CSMD1: variants seen among roughly 807,000 people sequenced by gnomAD.
The protein encoded by CSMD1 is CUB and sushi domain-containing protein 1.
CSMD1 carries 213 observed loss-of-function variants against 417.5 expected under a neutral mutation model. The observed-to-expected ratio is 0.51, with a 90% CI of 0.46 to 0.57. The LOEUF (loss-of-function observed/expected upper bound fraction) is 0.57, where lower values mean the gene tolerates loss of function less well. CSMD1 is among the 20% of genes least tolerant of loss of function. The pLI, the probability that CSMD1 is intolerant of heterozygous loss-of-function variation, is 0.00. For missense variants in CSMD1, 6,923 were observed against 4,529.7 expected, an observed-to-expected ratio of 1.53 and a Z score of -15.17; for synonymous variants, 2,862 against 1,736.8, an observed-to-expected ratio of 1.65 and a Z score of -16.11.
chr8:3,901,678 T>C (rs905706211), intron 5 of CSMD1, among the ~76,000 whole-genome samples: 1 of 152,218 alleles, frequency 6.6e-6, no homozygotes, highest in Non-Finnish European at 1.5e-5. Flanking sequence ...TGTACTTCTG[T>C]TTAACAACTT....
intron 6 of CSMD1, among the ~76,000 whole-genome samples, chr8:3,724,106 G>T (rs1802346992): frequency 1.9e-5 from 1 of 51,832 alleles, no homozygotes; most frequent in African/African-American, 3.5e-5. Context: ...CATTAAATAC[G>T]AAAGCAGATA....
intron 4 of CSMD1, among the ~76,000 whole-genome samples, chr8:4,007,338 C>T (rs1378113149): frequency 1.3e-5 from 2 of 152,204 alleles, no homozygotes; most frequent in African/African-American, 2.4e-5. Context: ...TCCTTTGGCT[C>T]CCATTTCCTC....
chr8:3,742,837 T>C (rs1796880616), intron 6 of CSMD1, among the ~76,000 whole-genome samples: 2 of 152,320 alleles, frequency 1.3e-5, no homozygotes, highest in Admixed American at 1.3e-4. Flanking sequence ...ACCCAACTTC[T>C]TCACTGTGAA....
chr8:3,656,876 G>T (rs571443607), intron 7 of CSMD1, among the ~76,000 whole-genome samples: 1 of 150,750 alleles, frequency 6.6e-6, no homozygotes, highest in East Asian at 2.0e-4. Flanking sequence ...AGTGAGCCAA[G>T]ATCACACCAC....
chr8:3,255,886 T>G (rs1027692859), intron 26 of CSMD1, among the ~76,000 whole-genome samples: 1 of 152,146 alleles, frequency 6.6e-6, no homozygotes, highest in African/African-American at 2.4e-5. Flanking sequence ...GCACCCACTT[T>G]CCGACACTCG....
chr8:4,472,513 T>A (rs1387512107), intron 2 of CSMD1, among the ~76,000 whole-genome samples: 1 of 151,890 alleles, frequency 6.6e-6, no homozygotes, highest in Admixed American at 6.6e-5. Context: ...TTGTAAAAAA[T>A]AAAAGGAAAT....
At chr8:4,974,949 C>A (rs993180058) in intron 1 of CSMD1, among the ~76,000 whole-genome samples, 1 of 152,118 alleles carries the variant, frequency 6.6e-6, no homozygotes, top group East Asian at 1.9e-4. Flanking sequence ...AAGAATTATT[C>A]GACAATAGAT....
At chr8:3,477,158 T>G (rs1817480812) in intron 11 of CSMD1, among the ~76,000 whole-genome samples, 1 of 152,192 alleles carries the variant, frequency 6.6e-6, no homozygotes, top group South Asian at 2.1e-4. Flanking sequence ...ATTCTGCATG[T>G]GTCACGAAGC....
intron 1 of CSMD1, among the ~76,000 whole-genome samples, chr8:4,785,246 A>G (rs956244093): frequency 6.6e-6 from 1 of 152,164 alleles, no homozygotes; most frequent in African/African-American, 2.4e-5. Flanking sequence ...TAGAGCAGTC[A>G]TGAGGAGGTG....
chr8:3,214,517 T>C lies in CSMD1; in HGVS notation c.4847A>G (p.Gln1616Arg). Reference sequence around the variant, plus strand: ...CTCACCATTGCAGGAGGGCAGCACTTGGTCCCAGGAGGGTTTCCCATCAGC... The same window carrying C: ...CTCACCATTGCAGGAGGGCAGCACTCGGTCCCAGGAGGGTTTCCCATCAGC... ...IGADGKPSWD[Q>R]VLPSCNAPCG... Residue 1616 changes from glutamine (Q) to arginine (R), a missense_variant, in exon 30 of 70, where the codon CAA (glutamine) becomes CGA (arginine). Coordinates refer to ENST00000635120, the MANE Select transcript of CSMD1 (RefSeq NM_033225.6). 2 of 1,598,148 alleles carry C rather than the reference T, an allele frequency of 1.3e-6. No homozygotes were observed. Among genetic ancestry groups the C allele is most frequent in the Non-Finnish European group, 1.7e-6 (2 of 1,172,340 alleles).
At chr8:3,972,244 A>C (rs1305170935) in intron 5 of CSMD1, among the ~76,000 whole-genome samples, 1 of 152,196 alleles carries the variant, frequency 6.6e-6, no homozygotes, top group African/African-American at 2.4e-5. Flanking sequence ...AACTTCAATT[A>C]AATAGTATTG....
chr8:4,944,919 T>G (rs1808269103), intron 1 of CSMD1, among the ~76,000 whole-genome samples: 1 of 152,100 alleles, frequency 6.6e-6, no homozygotes, highest in South Asian at 2.1e-4. Flanking sequence ...CTCAAAACAG[T>G]CGACATCAGG....
At chr8:4,770,502 G>A (rs987596761) in intron 1 of CSMD1, among the ~76,000 whole-genome samples, 1 of 150,422 alleles carries the variant, frequency 6.6e-6, no homozygotes, top group African/African-American at 2.4e-5. Flanking sequence ...ACCTCAAATA[G>A]CCAAAGCAAT....
At chr8:2,943,728 A>C (rs566869587) in intron 68 of CSMD1, among the ~76,000 whole-genome samples, 1 of 152,212 alleles carries the variant, frequency 6.6e-6, no homozygotes, top group Non-Finnish European at 1.5e-5. Flanking sequence ...GTACTAATAA[A>C]ATATAATTTT....
chr8:4,396,299 A>G (rs1040760493), intron 3 of CSMD1, among the ~76,000 whole-genome samples: 4 of 127,802 alleles, frequency 3.1e-5, no homozygotes, highest in Non-Finnish European at 4.7e-5. Flanking sequence ...TCATCTCTTA[A>G]AAGTAAAAAA....
intron 3 of CSMD1, among the ~76,000 whole-genome samples, chr8:4,324,240 C>G (rs908334380): frequency 1.8e-4 from 28 of 152,334 alleles, no homozygotes; most frequent in African/African-American, 6.7e-4. Context: ...GATTTCCCTA[C>G]ACCAAGAATG....
At chr8:3,776,541 C>A (rs941066346) in intron 5 of CSMD1, among the ~76,000 whole-genome samples, 5 of 152,152 alleles carry the variant, frequency 3.3e-5, no homozygotes, top group Non-Finnish European at 7.3e-5. Context: ...GTGCCCTCTG[C>A]ATAGAATGCC....
intron 1 of CSMD1, among the ~76,000 whole-genome samples, chr8:4,674,731 GA>G (rs532394663): frequency 9.7e-4 from 148 of 152,256 alleles, no homozygotes; most frequent in African/African-American, 3.4e-3. Flanking sequence ...ACATATAGAA[GA>G]AAATGCAAGG....
chr8:3,248,255 C>G (rs145912420), intron 26 of CSMD1, among the ~76,000 whole-genome samples: 4 of 152,162 alleles, frequency 2.6e-5, no homozygotes, highest in Admixed American at 6.5e-5. Context: ...TTTTAACTTG[C>G]AATTAGGGTG....
Sources: allele counts gnomAD v4.1 joint callset (sites outside exome capture counted in the v4.1 genomes callset), GRCh38; gene constraint gnomAD v4.1.1; transcripts MANE v1.5; gene names NCBI Gene and HGNC (gene_info 2026-07-23, HGNC 2026-07-21).